The following GRIK1 variants were observed in gnomAD, a reference collection of about 807,000 sequenced individuals.
The protein encoded by GRIK1 is glutamate ionotropic receptor kainate type subunit 1.
A neutral mutation model predicts 105.7 loss-of-function variants in GRIK1; 69 were observed. The ratio of observed to expected loss-of-function variants is 0.65; its 90% CI spans 0.54 to 0.80. The LOEUF is 0.80. GRIK1 is among the 30% of genes least tolerant of loss of function. The pLI, the probability that GRIK1 is intolerant of heterozygous loss-of-function variation, is 0.00. For missense variants in GRIK1, 1,109 were observed against 1,167.3 expected (o/e 0.95, Z 0.73); for synonymous variants, 438 against 431.3 (o/e 1.02, Z -0.19).
At chr21:29,565,244 T>G (rs1425800061) in intron 14 of GRIK1, among the ~76,000 whole-genome samples, 5 of 152,216 alleles carry the variant, frequency 3.3e-5, no homozygotes, top group Non-Finnish European at 7.3e-5. Flanking sequence ...TATTTAGAGC[T>G]CTCTTTCGTC....
At chr21:29,712,095 C>T (rs1228408633) in intron 1 of GRIK1, among the ~76,000 whole-genome samples, 8 of 138,820 alleles carry the variant, frequency 5.8e-5, no homozygotes, top group South Asian at 2.3e-4. Flanking sequence ...CACACACACA[C>T]ACACACACAC....
intron 1 of GRIK1, among the ~76,000 whole-genome samples, chr21:29,756,495 G>A (rs1020031412): frequency 7.2e-5 from 11 of 152,138 alleles, no homozygotes; most frequent in African/African-American, 2.7e-4. Context: ...AGCTGGCCTT[G>A]GGGACAATGC....
At chr21:29,801,101 A>G (rs188786703) in intron 1 of GRIK1, among the ~76,000 whole-genome samples, 213 of 152,180 alleles carry the variant, frequency 1.4e-3, no homozygotes, top group African/African-American at 5.0e-3. Context: ...ACCTTGTTGA[A>G]GACCACATGG....
At chr21:29,688,666 G>A (rs2063529736) in intron 3 of GRIK1, among the ~76,000 whole-genome samples, 1 of 152,158 alleles carries the variant, frequency 6.6e-6, no homozygotes, top group Admixed American at 6.5e-5. Context: ...CAGTCTTACA[G>A]ACATGTAAAC....
chr21:29,663,982 G>A lies in GRIK1; in HGVS notation c.726+9001C>T, dbSNP rs1022260315. On this transcript the variant is annotated intron_variant, in intron 4 of 17. Coordinates refer to ENST00000327783, the MANE Select transcript of GRIK1 (RefSeq NM_001330994.2). ...GGAGATTGAATCTGAAACATATTCC[G>A]AGGGCAGAATCTCCACTGTTTGCTA... 3.3e-5 allele frequency among the ~76,000 whole-genome samples: 5 copies of A among 152,182 alleles called. No individual in the cohort carries two copies. In the East Asian group the frequency reaches 7.7e-4, roughly 23 times the overall value.
At chr21:29,857,086 C>T (rs1451648007) in intron 1 of GRIK1, among the ~76,000 whole-genome samples, 2 of 152,180 alleles carry the variant, frequency 1.3e-5, no homozygotes, top group East Asian at 3.9e-4. Flanking sequence ...GGGGTTTAAT[C>T]CAAGGGGTTA....
At chr21:29,697,413 C>A (rs2063724003) in intron 1 of GRIK1, among the ~76,000 whole-genome samples, 1 of 152,112 alleles carries the variant, frequency 6.6e-6, no homozygotes, top group Non-Finnish European at 1.5e-5. Context: ...AAGGGAATTA[C>A]AAGTGTTTTC....
intron 7 of GRIK1, among the ~76,000 whole-genome samples, chr21:29,606,373 C>A (rs879818896): frequency 6.6e-6 from 1 of 152,076 alleles, no homozygotes; most frequent in Admixed American, 6.6e-5. Flanking sequence ...CCACACATAT[C>A]CACCCATCAG....
chr21:29,607,763 A>C (rs748385110), intron 7 of GRIK1, among the ~76,000 whole-genome samples: 2 of 152,152 alleles, frequency 1.3e-5, no homozygotes, highest in Non-Finnish European at 2.9e-5. Flanking sequence ...TCCTGAAAAG[A>C]GGCTAGTTAA....
Position 29,537,313 on chromosome 21 carries a change from A to T in GRIK1, c.2767T>A (p.Ser923Thr). The change falls in exon 18 of 18, where the codon TCA becomes ACA. Residue 923 changes from serine (S) to threonine (T), a missense_variant. Coordinates refer to ENST00000327783, the MANE Select transcript of GRIK1 (RefSeq NM_001330994.2). Reference sequence around the variant, plus strand: ...AAGGAAGATTTCCCCTTAGTTCTTGACTTTTTCTTTATTTTTTTCTGATTC... The same window carrying T: ...AAGGAAGATTTCCCCTTAGTTCTTGTCTTTTTCTTTATTTTTTTCTGATTC... Reference protein sequence around the residue: ...LKNQKKIKKKSRTKGKSSFTS... With the variant: ...LKNQKKIKKKTRTKGKSSFTS... 1 of 1,610,928 alleles carries T rather than the reference A, an allele frequency of 6.2e-7. No homozygotes were observed. Among genetic ancestry groups the T allele is most frequent in the South Asian group, 1.1e-5 (1 of 90,938 alleles).
intron 1 of GRIK1, among the ~76,000 whole-genome samples, chr21:29,919,873 G>A (rs2071132907): frequency 6.6e-6 from 1 of 152,092 alleles, no homozygotes; most frequent in South Asian, 2.1e-4. Context: ...AAACAGTGAG[G>A]ACCTCTTTGT....
chr21:29,629,741 G>A (rs1051983802), intron 7 of GRIK1, among the ~76,000 whole-genome samples: 2 of 152,060 alleles, frequency 1.3e-5, no homozygotes, highest in Admixed American at 6.5e-5. Flanking sequence ...TGCCTGCCTC[G>A]GCCTCCCAAA....
At chr21:29,667,557 A>G (rs918864806) in intron 4 of GRIK1, among the ~76,000 whole-genome samples, 11 of 152,328 alleles carry the variant, frequency 7.2e-5, no homozygotes, top group Non-Finnish European at 1.0e-4. Flanking sequence ...TTTTATGCAG[A>G]CTAATGGCTC....
At chr21:29,832,756 C>A (rs947649108) in intron 1 of GRIK1, among the ~76,000 whole-genome samples, 2 of 152,172 alleles carry the variant, frequency 1.3e-5, no homozygotes, top group African/African-American at 4.8e-5. Flanking sequence ...ATGCTTCCTT[C>A]AAGGCATTTT....
At chr21:29,707,138 A>G (rs572410579) in intron 1 of GRIK1, among the ~76,000 whole-genome samples, 1 of 152,340 alleles carries the variant, frequency 6.6e-6, no homozygotes, top group South Asian at 2.1e-4. Flanking sequence ...TGCTGGGATT[A>G]CAGGCGTGAG....
Position 29,588,999 on chromosome 21 carries a change from T to A in GRIK1, c.1409A>T (p.Tyr470Phe). The A allele has an allele frequency of 1.9e-6, 3 of 1,603,850 alleles. No individual in the cohort carries two copies. The highest frequency in any genetic ancestry group is 2.6e-6 in the Non-Finnish European group (3 of 1,170,612). The change falls in exon 11 of 18, where the codon TAT becomes TTT. Residue 470 changes from tyrosine (Y) to phenylalanine (F), a missense_variant. Tyr to Phe is a conservative substitution (Grantham distance 22). Around this residue, in one of 5 missense-constraint regions of GRIK1, gnomAD observed 612 missense variants for 586.0 expected, o/e 1.04. Transcript: ENST00000327783. ...VMYRKSDKPL[Y>F]GNDRFEGYCL... ...ATATCCTTCAAATCTGTCATTTCCA[T>A]ATAGAGGCTTATCAGATTTCCTGTA...
intron 1 of GRIK1, among the ~76,000 whole-genome samples, chr21:29,769,658 G>A (rs2065764714): frequency 1.3e-5 from 2 of 152,100 alleles, no homozygotes; most frequent in Admixed American, 6.5e-5. Flanking sequence ...CCTGTTGTGA[G>A]CGGTTCCTAA....
chr21:29,701,331 AG>A (rs2063808485), intron 1 of GRIK1, among the ~76,000 whole-genome samples: 1 of 152,222 alleles, frequency 6.6e-6, no homozygotes, highest in African/African-American at 2.4e-5. Flanking sequence ...GGCACTTTTG[AG>A]CAAAAGCCTA....
intron 16 of GRIK1, among the ~76,000 whole-genome samples, chr21:29,542,032 A>AGTGTGTGT (rs66476053): frequency 1.4e-4 from 21 of 150,588 alleles, no homozygotes; most frequent in African/African-American, 5.1e-4. Context: ...AATAATGTAG[A>AGTGTGTGT]GTGTGTGTGT....
Sources: gnomAD v4.1 joint callset for allele counts (sites outside exome capture counted in the v4.1 genomes callset) on GRCh38, gnomAD v4.1.1 for gene constraint, gnomAD v4.1.1 regional missense constraint, MANE v1.5 for transcripts, NCBI Gene and HGNC (gene_info 2026-07-23, HGNC 2026-07-21) for gene names.